The following NDE1 variants were observed in gnomAD, a reference collection of about 807,000 sequenced individuals.
The protein encoded by NDE1 is nuclear distribution protein nudE homolog 1.
NDE1 carries 28 observed loss-of-function variants against 43.4 expected under a neutral mutation model. The ratio of observed to expected loss-of-function variants is 0.65; its 90% CI spans 0.48 to 0.89. NDE1 has a LOEUF of 0.89. NDE1 is among the 40% of genes least tolerant of loss of function. The pLI is 0.00. For synonymous variants in NDE1, 184 were observed against 172.0 expected (o/e 1.07, Z -0.55); for missense variants, 441 against 434.1 (o/e 1.02, Z -0.14).
rs1596735973 is a variant in NDE1, at chr16:15,726,060, C to G, written c.*1809C>G. 5.0e-6 allele frequency: 1 copy of G among 200,562 alleles called. No homozygotes were observed. Among genetic ancestry groups the G allele is most frequent in the Non-Finnish European group, 1.0e-5 (1 of 100,154 alleles). 12.4% of individuals were successfully genotyped at this position (200,562 alleles called of 1,614,324 possible). Reference sequence around the variant, plus strand: ...AGGGCCTTTGCACACGCTGTTCCCTCTGCCTGGTAGACTTATCCATGCTCC... The same window carrying G: ...AGGGCCTTTGCACACGCTGTTCCCTGTGCCTGGTAGACTTATCCATGCTCC... On this transcript the variant is annotated 3_prime_UTR_variant, in exon 9 of 9. Transcript: ENST00000396354.
intron 1 of NDE1, among the ~76,000 whole-genome samples, chr16:15,644,109 A>G (rs1056563393): frequency 6.6e-6 from 1 of 152,242 alleles, no homozygotes; most frequent in Non-Finnish European, 1.5e-5. Flanking sequence ...ATTAGGAAAA[A>G]AGCAAAGCAC....
At chr16:15,706,009 A>T (rs1327416478) in intron 8 of NDE1, among the ~76,000 whole-genome samples, 1 of 151,354 alleles carries the variant, frequency 6.6e-6, no homozygotes, top group Non-Finnish European at 1.5e-5. Flanking sequence ...AAAAAAATCA[A>T]GGCCCAGAGA....
intron 1 of NDE1, among the ~76,000 whole-genome samples, chr16:15,664,193 T>A (rs1458289229): frequency 6.6e-6 from 1 of 152,102 alleles, no homozygotes; most frequent in Non-Finnish European, 1.5e-5. Context: ...TTTATGTGGC[T>A]CCCTAGGTCC....
chr16:15,713,416 A>C (rs1336844148), intron 8 of NDE1: 1 of 152,204 alleles, frequency 6.6e-6, no homozygotes, highest in African/African-American at 2.4e-5. Flanking sequence ...AAAAAGTGAA[A>C]AGCAGCAGAG....
chr16:15,670,663 A>G (rs2037544972), intron 3 of NDE1, among the ~76,000 whole-genome samples: 1 of 151,006 alleles, frequency 6.6e-6, no homozygotes, highest in Admixed American at 6.6e-5. Flanking sequence ...GTCTCAAAAA[A>G]AAAAAAAAAG....
chr16:15,652,924 C>T (rs918052913), intron 1 of NDE1, among the ~76,000 whole-genome samples: 9 of 152,140 alleles, frequency 5.9e-5, no homozygotes, highest in Non-Finnish European at 1.0e-4. Flanking sequence ...CCTCAGCCTC[C>T]CAACGTGCCG....
chr16:15,670,892 G>T (rs2037560279), intron 3 of NDE1, among the ~76,000 whole-genome samples: 1 of 152,084 alleles, frequency 6.6e-6, no homozygotes, highest in Non-Finnish European at 1.5e-5. Flanking sequence ...TGGATTGGGG[G>T]TTTGGGGCAG....
intron 8 of NDE1, chr16:15,704,203 C>G: frequency 6.4e-7 from 1 of 1,567,664 alleles, no homozygotes; most frequent in Non-Finnish European, 8.7e-7. Context: ...CTATTTTAAA[C>G]TTGTAGCTAT....
At chr16:15,706,935 T>G (rs2039487426) in intron 8 of NDE1, among the ~76,000 whole-genome samples, 1 of 152,166 alleles carries the variant, frequency 6.6e-6, no homozygotes, top group Non-Finnish European at 1.5e-5. Context: ...AGTGCTTTTC[T>G]TGGAACTGGT....
chr16:15,691,647 G>GTT (rs11397970), intron 6 of NDE1, among the ~76,000 whole-genome samples: 11,475 of 146,374 alleles, frequency 0.078, 1,461 homozygotes, highest in African/African-American at 0.26. Context: ...TTTTTGTTGG[G>GTT]TTTTTTTTTT....
chr16:15,709,674 A>G (rs759022379), intron 8 of NDE1, among the ~76,000 whole-genome samples: 13 of 152,172 alleles, frequency 8.5e-5, no homozygotes, highest in Non-Finnish European at 1.8e-4. Flanking sequence ...AGAACCTCCT[A>G]TAAATCCCAT....
chr16:15,724,763 CGTT>C lies in NDE1; in HGVS notation c.*514_*516del. The C allele has an allele frequency of 6.2e-7, 1 of 1,614,124 alleles. No individual in the cohort carries two copies. Among genetic ancestry groups the C allele is most frequent in the Non-Finnish European group, 8.5e-7 (1 of 1,180,024 alleles). ...TCCAGCTGGCGCAGCTTCGTAGACA[CGTT>C]GAGCTTCTGCCGGGTTTCTTCTTGA... On this transcript the variant is annotated 3_prime_UTR_variant, in exon 9 of 9. Coordinates refer to ENST00000396354, the MANE Select transcript of NDE1 (RefSeq NM_017668.3).
intron 8 of NDE1, chr16:15,717,117 T>A (rs1567687284): frequency 6.2e-7 from 1 of 1,613,430 alleles, no homozygotes; most frequent in Non-Finnish European, 8.5e-7. Flanking sequence ...GCAAACTGGG[T>A]TCGGAACTCC....
At position 15,694,158 on chromosome 16, in the gene NDE1, C is replaced by T. The variant is rs924018145; in HGVS notation, c.704-7C>T. ...TGAGTTACATGCTCTTCCCTTTGCACACCCAGGCCTGGACGACTCCACCGG... is the reference window on the plus strand; with the variant it reads ...TGAGTTACATGCTCTTCCCTTTGCATACCCAGGCCTGGACGACTCCACCGG... On this transcript the variant is annotated splice_polypyrimidine_tract_variant and splice_region_variant and intron_variant, in intron 6 of 8. Coordinates refer to ENST00000396354, the MANE Select transcript of NDE1 (RefSeq NM_017668.3). 1.9e-6 allele frequency: 3 copies of T among 1,612,216 alleles called. No homozygotes were observed. Among genetic ancestry groups the T allele is most frequent in the Non-Finnish European group, 2.5e-6 (3 of 1,179,948 alleles).
intron 4 of NDE1, 45 bp downstream of exon 4, chr16:15,677,994 GC>G: frequency 1.2e-6 from 2 of 1,611,388 alleles, no homozygotes; most frequent in Non-Finnish European, 1.7e-6. Context: ...TCTCCTCTCT[GC>G]TTTTTGTCCC....
chr16:15,716,198 G>A (rs2151195230), intron 8 of NDE1, among the ~76,000 whole-genome samples: 2 of 152,254 alleles, frequency 1.3e-5, no homozygotes, highest in Non-Finnish European at 2.9e-5. Flanking sequence ...CTCCCAAAGT[G>A]CCGGGATTAT....
At position 15,677,839 on chromosome 16, in the gene NDE1, G is replaced by A; in HGVS notation, c.276G>A (p.Gln92=). The part of the protein sequence containing the change: ...FEVQHSEGYR[Q]ISALEDDLAQ... ...TGCAGCACTCTGAAGGCTACCGGCA[G>A]ATCTCAGCCTTGGAGGATGACCTCG... The change falls in exon 4 of 9, where the codon CAG becomes CAA. Residue 92 remains glutamine (Q), a synonymous_variant. Transcript: ENST00000396354. 9 of 1,614,018 alleles carry A rather than the reference G, an allele frequency of 5.6e-6. No individual in the cohort carries two copies. Among genetic ancestry groups the A allele is most frequent in the East Asian group, 2.2e-5 (1 of 44,890 alleles).
intron 8 of NDE1, chr16:15,713,212 G>T (rs2039919330): frequency 6.6e-6 from 1 of 152,056 alleles, no homozygotes; most frequent in African/African-American, 2.4e-5. Flanking sequence ...CAATGGAGGT[G>T]TTGGCCTCGG....
intron 8 of NDE1, chr16:15,721,351 A>G (rs984783688): frequency 9.2e-6 from 14 of 1,522,116 alleles, no homozygotes; most frequent in East Asian, 4.5e-5. Flanking sequence ...CTAGCCTCGC[A>G]TGGACTGGTG....
Sources: gnomAD v4.1 joint callset for allele counts (sites outside exome capture counted in the v4.1 genomes callset) on GRCh38, gnomAD v4.1.1 for gene constraint, MANE v1.5 for transcripts, NCBI Gene and HGNC (gene_info 2026-07-23, HGNC 2026-07-21) for gene names.